LPP: variants seen among roughly 807,000 people sequenced by gnomAD.
LPP encodes the protein lipoma-preferred partner.
Under a neutral mutation model 60.4 loss-of-function variants are expected in LPP, and 38 were observed. The ratio of observed to expected loss-of-function variants is 0.63; its 90% CI spans 0.49 to 0.83. The LOEUF (loss-of-function observed/expected upper bound fraction) is 0.83, where lower values mean the gene tolerates loss of function less well. LPP is among the 40% of genes least tolerant of loss of function. The probability of loss-of-function intolerance (pLI) is 0.00; values close to 1 mark genes in which losing one functional copy is unlikely to be tolerated. For missense variants in LPP, 902 were observed against 783.6 expected, an observed-to-expected ratio of 1.15 and a Z score of -1.80; for synonymous variants, 328 against 290.8, an observed-to-expected ratio of 1.13 and a Z score of -1.30.
At chr3:188,668,346 G>A (rs1401283670) in intron 7 of LPP, among the ~76,000 whole-genome samples, 1 of 152,066 alleles carries the variant, frequency 6.6e-6, no homozygotes, top group Non-Finnish European at 1.5e-5. Flanking sequence ...GTTTACACTC[G>A]CCATATGATA....
intron 6 of LPP, among the ~76,000 whole-genome samples, chr3:188,558,729 G>T (rs1161068733): frequency 2.6e-5 from 4 of 151,994 alleles, no homozygotes; most frequent in Non-Finnish European, 5.9e-5. Context: ...CAGTTAATTT[G>T]CCATTTCTAC....
intron 7 of LPP, among the ~76,000 whole-genome samples, chr3:188,676,301 A>T (rs1172717132): frequency 6.6e-6 from 1 of 152,132 alleles, no homozygotes; most frequent in Non-Finnish European, 1.5e-5. Context: ...ATGTAAATAA[A>T]GGGCAGCCAG....
chr3:188,631,310 A>G (rs1331054248), intron 7 of LPP, among the ~76,000 whole-genome samples: 1 of 152,184 alleles, frequency 6.6e-6, no homozygotes, highest in Non-Finnish European at 1.5e-5. Flanking sequence ...CACAACTTTT[A>G]TTAGTATTGT....
chr3:188,628,500 A>G (rs1413753885), intron 7 of LPP, among the ~76,000 whole-genome samples: 1 of 152,138 alleles, frequency 6.6e-6, no homozygotes, highest in Non-Finnish European at 1.5e-5. Flanking sequence ...AAAACCTAGA[A>G]GAAATGAATA....
intron 6 of LPP, among the ~76,000 whole-genome samples, chr3:188,595,121 C>T (rs546213664): frequency 2.0e-5 from 3 of 152,054 alleles, no homozygotes; most frequent in Non-Finnish European, 4.4e-5. Flanking sequence ...CCCTTAGGTA[C>T]CTTAAGCTAC....
intron 2 of LPP, among the ~76,000 whole-genome samples, chr3:188,270,026 T>C (rs185305000): frequency 6.6e-6 from 1 of 152,186 alleles, no homozygotes; most frequent in Non-Finnish European, 1.5e-5. Context: ...CTTTAGGGTA[T>C]GATTCTATTT....
Position 188,254,667 on chromosome 3 carries a change from G to A in LPP, c.-67+29140G>A, listed in dbSNP as rs374285838. Among the ~76,000 whole-genome samples the A allele has an allele frequency of 1.7e-4, 26 of 152,278 alleles. No homozygotes were observed. The East Asian group carries it at 4.8e-3, about 28-fold the overall frequency. On this transcript the variant is annotated intron_variant, in intron 2 of 11. Transcript: ENST00000617246. The stretch of plus-strand genomic sequence containing the variant: ...AGGGAGAACATTCTGTGTTCTGCAG[G>A]CATCTTCCTCCTTGGGACACAAACA...
At chr3:188,719,319 C>G (rs1560110945) in intron 8 of LPP, among the ~76,000 whole-genome samples, 2 of 152,112 alleles carry the variant, frequency 1.3e-5, no homozygotes, top group Admixed American at 1.3e-4. Context: ...ACATTCTTTT[C>G]TTACGTTTAC....
At chr3:188,428,596 A>ATATTTT (rs1553895829) in intron 4 of LPP, among the ~76,000 whole-genome samples, 1 of 142,690 alleles carries the variant, frequency 7.0e-6, no homozygotes, top group African/African-American at 2.6e-5. Flanking sequence ...ATATATATAT[A>ATATTTT]TTTTTTTTTT....
At chr3:188,172,813 G>C (rs949544444) in intron 1 of LPP, among the ~76,000 whole-genome samples, 3 of 152,110 alleles carry the variant, frequency 2.0e-5, no homozygotes, top group African/African-American at 7.2e-5. Context: ...CCAAGATCTA[G>C]TCCAGGATAC....
At chr3:188,257,034 G>A (rs1268971238) in intron 2 of LPP, among the ~76,000 whole-genome samples, 4 of 152,188 alleles carry the variant, frequency 2.6e-5, no homozygotes, top group Admixed American at 6.5e-5. Context: ...GCATAGAGAC[G>A]TGATGGGCAT....
chr3:188,416,392 G>A (rs1472102386), intron 4 of LPP, among the ~76,000 whole-genome samples: 1 of 152,174 alleles, frequency 6.6e-6, no homozygotes, highest in Non-Finnish European at 1.5e-5. Context: ...TGGGGCCCAG[G>A]AATCTGCATT....
Position 188,212,396 on chromosome 3 carries a change from G to T in LPP, c.-189-13009G>T, listed in dbSNP as rs1392031223. ...TCCTGGAATAGGACAGTGTATGGAA[G>T]GGTTGAGAATCCACTTCTTTAGCGG... On this transcript the variant is annotated intron_variant, in intron 1 of 11. Coordinates refer to ENST00000617246, the MANE Select transcript of LPP (RefSeq NM_001375462.1). Among the ~76,000 whole-genome samples the T allele has an allele frequency of 2.6e-5, 4 of 152,168 alleles. No homozygotes were observed. In the East Asian group the frequency reaches 7.7e-4, roughly 29 times the overall value.
chr3:188,548,809 G>C (rs1220780727), intron 6 of LPP, among the ~76,000 whole-genome samples: 1 of 152,152 alleles, frequency 6.6e-6, no homozygotes, highest in Non-Finnish European at 1.5e-5. Context: ...AGTGATTGCA[G>C]ATCCTTTATA....
chr3:188,357,029 A>C (rs892786017), intron 3 of LPP, among the ~76,000 whole-genome samples: 3 of 152,196 alleles, frequency 2.0e-5, no homozygotes, highest in Non-Finnish European at 2.9e-5. Flanking sequence ...CTTCTTCTCC[A>C]TACACATGCA....
In LPP at chr3:188,572,660, A is replaced by T. The variant is rs930475784; in HGVS notation, c.430-36501A>T. Among the ~76,000 whole-genome samples the T allele has an allele frequency of 2.8e-4, 42 of 152,104 alleles. No homozygotes were observed. The highest frequency in any genetic ancestry group is 1.0e-3 in the African/African-American group (42 of 41,420). ...TGTACTCTGCCCTTTTCTCTTCATT[A>T]TGAGGATTAAATTGAATGATAGGGG... On this transcript the variant is annotated intron_variant, in intron 6 of 11. Transcript: ENST00000617246. This position sits in a 1 kb window ranked among gnomAD's most constrained non-coding sequence, Gnocchi z 4.1.
At chr3:188,489,805 T>C (rs1807775266) in intron 5 of LPP, among the ~76,000 whole-genome samples, 1 of 152,208 alleles carries the variant, frequency 6.6e-6, no homozygotes, top group African/African-American at 2.4e-5. Context: ...CCTCTTTTTA[T>C]GATATCTTTG....
intron 7 of LPP, among the ~76,000 whole-genome samples, chr3:188,697,509 C>G (rs969268108): frequency 6.6e-6 from 1 of 152,158 alleles, no homozygotes; most frequent in Non-Finnish European, 1.5e-5. Context: ...TTATGCATAT[C>G]AGACTGAAAA....
chr3:188,250,328 T>C (rs1728687448), intron 2 of LPP, among the ~76,000 whole-genome samples: 2 of 152,226 alleles, frequency 1.3e-5, no homozygotes. Context: ...GATTCAATTA[T>C]GCATTCCCTG....
Sources: allele counts gnomAD v4.1 joint callset (sites outside exome capture counted in the v4.1 genomes callset), GRCh38; gene constraint gnomAD v4.1.1; non-coding constraint Gnocchi (gnomAD v3.1); transcripts MANE v1.5; gene names NCBI Gene and HGNC (gene_info 2026-07-23, HGNC 2026-07-21).